Variants in SCML4 observed in about 807,000 individuals in gnomAD.
SCML4 encodes the protein sex comb on midleg-like protein 4.
In SCML4, 34 loss-of-function variants were observed where a neutral mutation model predicts 41.1. The observed-to-expected ratio is 0.83, with a 90% CI of 0.63 to 1.10. SCML4 has a LOEUF of 1.10. SCML4 is among the 50% of genes least tolerant of loss of function. The pLI is 0.00. For missense variants in SCML4, 522 were observed against 534.1 expected, an observed-to-expected ratio of 0.98 and a Z score of 0.22; for synonymous variants, 214 against 220.9, an observed-to-expected ratio of 0.97 and a Z score of 0.28.
At chr6:107,741,982 C>T (rs1332940830) in intron 5 of SCML4, among the ~76,000 whole-genome samples, 1 of 152,152 alleles carries the variant, frequency 6.6e-6, no homozygotes, top group Non-Finnish European at 1.5e-5. Context: ...CGTGAGCTCT[C>T]TGACCAAGAA....
At chr6:107,777,287 T>C (rs1466772456) in intron 1 of SCML4, among the ~76,000 whole-genome samples, 9 of 152,152 alleles carry the variant, frequency 5.9e-5, no homozygotes, top group Admixed American at 3.3e-4. Flanking sequence ...CTGGCTAATT[T>C]TTGTATTTTT....
intron 2 of SCML4, among the ~76,000 whole-genome samples, chr6:107,768,789 G>A (rs1037753793): frequency 5.9e-5 from 9 of 152,080 alleles, no homozygotes; most frequent in African/African-American, 2.2e-4. Flanking sequence ...CTTTTATTGG[G>A]GACAAACAAC....
intron 1 of SCML4, among the ~76,000 whole-genome samples, chr6:107,783,665 C>CCTGATGGCAGGTGCTGGTCTGAGTTTGT (rs1781658323): frequency 7.7e-6 from 1 of 129,270 alleles, no homozygotes; most frequent in Non-Finnish European, 1.6e-5. Flanking sequence ...TCTGAGTTTG[C>CCTGATGGCAGGTGCTGGTCTGAGTTTGT]CTGATGGCAG....
Position 107,720,840 on chromosome 6 carries a change from A to T in SCML4, c.836T>A (p.Leu279His). ...CKRQNSGDSHLGGGPAATAGG... is the reference protein window; with the variant it reads ...CKRQNSGDSHHGGGPAATAGG... Reference sequence around the variant, plus strand: ...AGCGGTGGCAGCAGGACCACCCCCAAGGTGGCTGTCTCCAGAGTTCTGCCT... The same window carrying T: ...AGCGGTGGCAGCAGGACCACCCCCATGGTGGCTGTCTCCAGAGTTCTGCCT... Residue 279 changes from leucine (L) to histidine (H), a missense_variant, in exon 6 of 8, where the codon CTT (leucine) becomes CAT (histidine). Transcript: ENST00000369020. 6.2e-7 allele frequency: 1 copy of T among 1,614,138 alleles called. No homozygotes were observed. Among genetic ancestry groups the T allele is most frequent in the Non-Finnish European group, 8.5e-7 (1 of 1,179,972 alleles).
chr6:107,723,385 AT>A (rs1485546686), intron 5 of SCML4, among the ~76,000 whole-genome samples: 3 of 152,186 alleles, frequency 2.0e-5, no homozygotes, highest in Non-Finnish European at 4.4e-5. Context: ...ATCTCATGTA[AT>A]TTACTGAATA....
In SCML4 at chr6:107,704,861, A is replaced by C. The variant is rs960762909; in HGVS notation, c.*339T>G. 13 of 343,018 alleles carry C rather than the reference A, an allele frequency of 3.8e-5. No homozygotes were observed. Among genetic ancestry groups the C allele is most frequent in the Non-Finnish European group, 6.0e-5 (11 of 184,444 alleles). The allele number at this position is 343,018 out of a possible 1,614,324, so 21.2% of individuals were successfully genotyped here. A position where few individuals can be genotyped will look rare whatever the true frequency, so the allele number is the denominator to read the frequency against. On this transcript the variant is annotated 3_prime_UTR_variant, in exon 8 of 8. Transcript: ENST00000369020. ...ACAAAGGTCCTTCTTTCATCCTTTGAACCCTCCAGAACTCTCCTTGGGCAT... is the reference window on the plus strand; with the variant it reads ...ACAAAGGTCCTTCTTTCATCCTTTGCACCCTCCAGAACTCTCCTTGGGCAT...
In SCML4 at chr6:107,706,468, A is replaced by G. The variant is rs77905504; in HGVS notation, c.1120-1143T>C. Among the ~76,000 whole-genome samples the G allele has an allele frequency of 8.7e-3, 1,323 of 152,340 alleles. 25 individuals are homozygous for G. The highest frequency in any genetic ancestry group is 0.03 in the African/African-American group (1,248 of 41,570). Reference sequence around the variant, plus strand: ...CCTAAGATTGGAGAGCATGATTTCTATGACAGAATCACCAAATAAAATAAG... The same window carrying G: ...CCTAAGATTGGAGAGCATGATTTCTGTGACAGAATCACCAAATAAAATAAG... On this transcript the variant is annotated intron_variant, in intron 7 of 7. Coordinates refer to ENST00000369020, the MANE Select transcript of SCML4 (RefSeq NM_198081.5).
chr6:107,750,331 A>G (rs750907079), intron 2 of SCML4, among the ~76,000 whole-genome samples: 1 of 152,212 alleles, frequency 6.6e-6, no homozygotes, highest in Non-Finnish European at 1.5e-5. Flanking sequence ...CCTGCAGCAG[A>G]TTGACAAAAC....
chr6:107,773,890 C>T (rs558162508), intron 1 of SCML4, among the ~76,000 whole-genome samples: 2 of 152,314 alleles, frequency 1.3e-5, no homozygotes, highest in Non-Finnish European at 2.9e-5. Flanking sequence ...ACACCCTGGC[C>T]TGGGCCTTGT....
the SCML4 span, among the ~76,000 whole-genome samples, chr6:107,831,899 C>CAT: frequency 6.6e-6 from 1 of 151,506 alleles, no homozygotes; most frequent in Non-Finnish European, 1.5e-5. Context: ...AAAAAATACA[C>CAT]ACACACACAC....
chr6:107,803,223 G>GTGCCTCTGCCCTGC (rs1562274161), intron 1 of SCML4, among the ~76,000 whole-genome samples: 2,629 of 136,276 alleles, frequency 0.019, 228 homozygotes, highest in African/African-American at 0.072. Context: ...GATGTGGGGA[G>GTGCCTCTGCCCTGC]CGCCTCTGCC....
intron 6 of SCML4, chr6:107,719,066 G>C (rs902796250): frequency 1.3e-5 from 2 of 152,204 alleles, no homozygotes; most frequent in East Asian, 3.8e-4. Context: ...TTACAGTGTT[G>C]GTTCGTGAAA....
chr6:107,831,421 A>AAC, the SCML4 span, among the ~76,000 whole-genome samples: 1 of 151,240 alleles, frequency 6.6e-6, no homozygotes, highest in African/African-American at 2.4e-5. Context: ...CAAAAAAAAA[A>AAC]AAAAAAAAAA....
chr6:107,823,132 G>T (rs992928348), intron 1 of SCML4, among the ~76,000 whole-genome samples: 3 of 152,130 alleles, frequency 2.0e-5, no homozygotes, highest in African/African-American at 7.2e-5. Flanking sequence ...GAAGTGCCTG[G>T]ATTACTTTCT....
chr6:107,827,076 AT>A (rs372279117), upstream of SCML4, among the ~76,000 whole-genome samples: 26,861 of 149,012 alleles, frequency 0.18, 2,836 homozygotes, highest in Middle Eastern at 0.27. Context: ...AAATATATAT[AT>A]TTTTTATATA....
chr6:107,762,882 T>C (rs1022171683), intron 2 of SCML4, among the ~76,000 whole-genome samples: 2 of 138,954 alleles, frequency 1.4e-5, no homozygotes, highest in Non-Finnish European at 3.1e-5. Flanking sequence ...CACTCTTTTT[T>C]TTTTTTTTTT....
chr6:107,834,239 A>T, the SCML4 span, among the ~76,000 whole-genome samples: 1 of 152,208 alleles, frequency 6.6e-6, no homozygotes, highest in Admixed American at 6.5e-5. Flanking sequence ...ACTAAAAACA[A>T]GACTGGATCT....
At chr6:107,745,931 T>A (rs1237937816) in intron 4 of SCML4, 1 of 152,094 alleles carries the variant, frequency 6.6e-6, no homozygotes, top group East Asian at 1.9e-4. Context: ...AGATCGAGGC[T>A]GCAGTGAGCC....
chr6:107,768,360 G>T lies in SCML4; in HGVS notation c.156+3812C>A, dbSNP rs553841649. On this transcript the variant is annotated intron_variant, in intron 2 of 7. Coordinates refer to ENST00000369020, the MANE Select transcript of SCML4 (RefSeq NM_198081.5). ...TTAAAGTCACTGTTATTTAGCCCTT[G>T]TTACAGCAGCTGAATTTGTATCCCG... Among the ~76,000 whole-genome samples the T allele has an allele frequency of 2.6e-5, 4 of 152,266 alleles. No homozygotes were observed. The South Asian group carries it at 8.3e-4, about 32-fold the overall frequency.
Sources: allele counts gnomAD v4.1 joint callset (sites outside exome capture counted in the v4.1 genomes callset), GRCh38; gene constraint gnomAD v4.1.1; transcripts MANE v1.5; gene names NCBI Gene and HGNC (gene_info 2026-07-23, HGNC 2026-07-21).